The following PSD2 variants were observed in gnomAD, a reference collection of about 807,000 sequenced individuals.
PSD2 encodes PH and SEC7 domain-containing protein 2.
In PSD2, 38 loss-of-function variants were observed where a neutral mutation model predicts 69.8. The observed-to-expected ratio is 0.54, with a 90% confidence interval of 0.42 to 0.71. The LOEUF (loss-of-function observed/expected upper bound fraction) is 0.71, where lower values mean the gene tolerates loss of function less well. Ranked by LOEUF, PSD2 falls within the 30% of genes least tolerant of loss-of-function variation. The pLI is 0.00. For synonymous variants in PSD2, 412 were observed against 423.0 expected (o/e 0.97, Z 0.32); for missense variants, 943 against 1,014.5 (o/e 0.93, Z 0.96).
At chr5:139,754,567 C>T in the PSD2 span, among the ~76,000 whole-genome samples, 4 of 151,924 alleles carry the variant, frequency 2.6e-5, no homozygotes, top group African/African-American at 9.7e-5. Context: ...CGTGGTGGTG[C>T]GTGTCTGTGG....
the PSD2 span, among the ~76,000 whole-genome samples, chr5:139,760,754 G>A: frequency 6.6e-6 from 1 of 152,156 alleles, no homozygotes; most frequent in East Asian, 1.9e-4. Context: ...TAGGGCTTGT[G>A]GTCTGCCTTT....
chr5:139,747,036 G>A, the PSD2 span, among the ~76,000 whole-genome samples: 1 of 152,212 alleles, frequency 6.6e-6, no homozygotes, highest in Non-Finnish European at 1.5e-5. This position sits in a 1 kb window ranked among gnomAD's most constrained non-coding sequence, Gnocchi z 6.7. Flanking sequence ...TTCATTGTGT[G>A]TCTCCTCTCT....
At chr5:139,832,470 G>A (rs946681792) in intron 7 of PSD2, among the ~76,000 whole-genome samples, 24 of 152,228 alleles carry the variant, frequency 1.6e-4, no homozygotes, top group Admixed American at 9.2e-4. Context: ...TGTGGTGTGT[G>A]AATGTCCCAC....
intron 3 of PSD2, 87 bp downstream of exon 3, chr5:139,813,845 T>C (rs1760043485): frequency 2.6e-6 from 3 of 1,167,894 alleles, no homozygotes; most frequent in Non-Finnish European, 3.6e-6. Context: ...GGTGACTCAG[T>C]GTCCAGAGTC....
At chr5:139,830,592 T>TTCTTTC (rs779474791) in intron 7 of PSD2, among the ~76,000 whole-genome samples, 46 of 86,026 alleles carry the variant, frequency 5.3e-4, no homozygotes, top group African/African-American at 2.1e-3. Context: ...CTTTCTTTCT[T>TTCTTTC]TTTCTTTCTT....
the PSD2 span, among the ~76,000 whole-genome samples, chr5:139,758,432 A>C: frequency 6.6e-6 from 1 of 152,096 alleles, no homozygotes; most frequent in Non-Finnish European, 1.5e-5. Context: ...TAGGCTGTAA[A>C]GTGCTGCGGA....
At chr5:139,760,698 CA>C in the PSD2 span, among the ~76,000 whole-genome samples, 1 of 152,074 alleles carries the variant, frequency 6.6e-6, no homozygotes. Context: ...AGGGTAGTGG[CA>C]AATGGGGTAT....
At chr5:139,840,737 T>C (rs1263687635) in intron 14 of PSD2, among the ~76,000 whole-genome samples, 2 of 151,882 alleles carry the variant, frequency 1.3e-5, no homozygotes, top group Non-Finnish European at 2.9e-5. Flanking sequence ...TTTTAGTAGA[T>C]ATGGGGGTTT....
intron 1 of PSD2, among the ~76,000 whole-genome samples, chr5:139,808,822 G>A (rs1198605538): frequency 6.6e-6 from 1 of 152,240 alleles, no homozygotes; most frequent in Non-Finnish European, 1.5e-5. Flanking sequence ...TTGGCTTCTG[G>A]GGTGGGCCCT....
upstream of PSD2, among the ~76,000 whole-genome samples, chr5:139,791,562 A>T (rs1401808209): frequency 1.3e-5 from 2 of 152,252 alleles, no homozygotes; most frequent in East Asian, 1.9e-4. Context: ...CTCAGGTTGC[A>T]GCGAGCCATG....
upstream of PSD2, among the ~76,000 whole-genome samples, chr5:139,792,337 T>C (rs1246592625): frequency 6.6e-6 from 1 of 152,128 alleles, no homozygotes; most frequent in African/African-American, 2.4e-5. Flanking sequence ...GAGTCAAGCC[T>C]CTTCTGGGTT....
At chr5:139,746,926 T>C in the PSD2 span, among the ~76,000 whole-genome samples, 1 of 152,120 alleles carries the variant, frequency 6.6e-6, no homozygotes, top group East Asian at 1.9e-4. This position sits in a 1 kb window ranked among gnomAD's most constrained non-coding sequence, Gnocchi z 4.5. Context: ...GCTCCCAACC[T>C]CGGCTCGTCC....
intron 9 of PSD2, 59 bp from the exon 10 acceptor site, chr5:139,836,752 A>T (rs1319864610): frequency 6.6e-7 from 1 of 1,505,386 alleles, no homozygotes; most frequent in Non-Finnish European, 9.2e-7. Context: ...GGGAAAGGCC[A>T]TGACGATGCG....
chr5:139,842,179 C>A (rs765669431), intron 14 of PSD2, 92 bp from the exon 15 acceptor site: 2 of 977,328 alleles, frequency 2.0e-6, no homozygotes, highest in Non-Finnish European at 3.1e-6. Flanking sequence ...AAGCTCTCTG[C>A]ATATTAAGGA....
At chr5:139,777,700 A>G in the PSD2 span, among the ~76,000 whole-genome samples, 1 of 152,102 alleles carries the variant, frequency 6.6e-6, no homozygotes, top group African/African-American at 2.4e-5. Flanking sequence ...CCTGTGCAAC[A>G]TGGCCAGACC....
At chr5:139,810,967 G>T (rs1420765090) in intron 2 of PSD2, among the ~76,000 whole-genome samples, 1 of 152,076 alleles carries the variant, frequency 6.6e-6, no homozygotes, top group Non-Finnish European at 1.5e-5. Context: ...GGTGGGAGAT[G>T]GGGGGTCCAT....
At chr5:139,805,142 G>A (rs1189167084) in intron 1 of PSD2, among the ~76,000 whole-genome samples, 2 of 152,182 alleles carry the variant, frequency 1.3e-5, no homozygotes, top group Non-Finnish European at 2.9e-5. Context: ...GTCAGGTCCT[G>A]CACCCATGCA....
the PSD2 span, among the ~76,000 whole-genome samples, chr5:139,747,859 G>A: frequency 1.3e-5 from 2 of 152,248 alleles, no homozygotes; most frequent in Non-Finnish European, 2.9e-5. The surrounding 1 kb of genome is among the most constrained non-coding windows in gnomAD (Gnocchi z 6.7). Flanking sequence ...GGGGGAGGCG[G>A]CAGAGCGCGG....
At chr5:139,744,820 C>T in the PSD2 span, 1 of 152,410 alleles carries the variant, frequency 6.6e-6, no homozygotes, top group Non-Finnish European at 1.5e-5. Context: ...GGCTCCCAGA[C>T]CACAGGCTGA....
Sources: gnomAD v4.1 joint callset for allele counts (sites outside exome capture counted in the v4.1 genomes callset) on GRCh38, gnomAD v4.1.1 for gene constraint, Gnocchi (gnomAD v3.1) non-coding constraint, MANE v1.5 for transcripts, NCBI Gene and HGNC (gene_info 2026-07-23, HGNC 2026-07-21) for gene names.